Variants in SLC32A1 observed in about 807,000 individuals in gnomAD.
The protein encoded by SLC32A1 is solute carrier family 32 member 1.
A neutral mutation model predicts 35.5 loss-of-function variants in SLC32A1; 8 were observed. The observed-to-expected ratio is 0.23, with a 90% CI of 0.13 to 0.41. The LOEUF (loss-of-function observed/expected upper bound fraction) is 0.41, where lower values mean the gene tolerates loss of function less well. SLC32A1 is among the 10% of genes least tolerant of loss of function. The pLI is 1.00. For missense variants in SLC32A1, 493 were observed against 722.3 expected, an observed-to-expected ratio of 0.68 and a Z score of 3.64; for synonymous variants, 317 against 326.3, an observed-to-expected ratio of 0.97 and a Z score of 0.31.
rs2084278243 is a variant in SLC32A1, at chr20:38,726,913, T to C, written c.391-539T>C. On this transcript the variant is annotated intron_variant, in intron 1 of 1. Coordinates refer to ENST00000217420, the MANE Select transcript of SLC32A1 (RefSeq NM_080552.3). This position sits in a 1 kb window ranked among gnomAD's most constrained non-coding sequence, Gnocchi z 4.7. Reference sequence around the variant, plus strand: ...CAGCCTTTAACGTTTCCTCCTCTGGTCTGAGCCTGAGACGCCCGAGTTTTC... The same window carrying C: ...CAGCCTTTAACGTTTCCTCCTCTGGCCTGAGCCTGAGACGCCCGAGTTTTC... 6.6e-6 allele frequency among the ~76,000 whole-genome samples: 1 copy of C among 152,138 alleles called. No homozygotes were observed. The highest frequency in any genetic ancestry group is 1.5e-5 in the Non-Finnish European group (1 of 68,024).
chr20:38,725,539 C>T (rs544763589), intron 1 of SLC32A1, among the ~76,000 whole-genome samples: 1 of 152,174 alleles, frequency 6.6e-6, no homozygotes, highest in South Asian at 2.1e-4. Flanking sequence ...GAGTCTCCTC[C>T]CCCCGCACAC....
chr20:38,725,639 C>T (rs566182696), intron 1 of SLC32A1, among the ~76,000 whole-genome samples: 1 of 152,102 alleles, frequency 6.6e-6, no homozygotes, highest in African/African-American at 2.4e-5. Context: ...CAGGCGCACA[C>T]GACATGTATC....
At position 38,727,773 on chromosome 20, in the gene SLC32A1, G is replaced by T. The variant is rs1203140609; in HGVS notation, c.712G>T (p.Val238Leu). The T allele has an allele frequency of 2.5e-6, 4 of 1,614,218 alleles. No individual in the cohort carries two copies. In the Admixed American group the frequency reaches 6.7e-5, roughly 27 times the overall value. Reference sequence around the variant, plus strand: ...GTACAACAGCTTCCCGGGGCTGCCCGTGTCGCAGAAGTCCTGGTCCATTAT... The same window carrying T: ...GTACAACAGCTTCCCGGGGCTGCCCTTGTCGCAGAAGTCCTGGTCCATTAT... ...LMYNSFPGLP[V>L]SQKSWSIIAT... Residue 238 changes from valine (V) to leucine (L), a missense_variant, in exon 2 of 2, where the codon GTG becomes TTG. Val to Leu is a conservative substitution (Grantham distance 32). Transcript: ENST00000217420.
At chr20:38,725,275 G>T (rs1335490318) in intron 1 of SLC32A1, among the ~76,000 whole-genome samples, 161 bp downstream of exon 1, 1 of 152,118 alleles carries the variant, frequency 6.6e-6, no homozygotes, top group African/African-American at 2.4e-5. Flanking sequence ...GGGGACCTAC[G>T]CCCCCAGGCG....
Position 38,727,508 on chromosome 20 carries a change from G to A in SLC32A1, c.447G>A (p.Leu149=). ...YAILHGGYLG[L]FLIIFAAVVC... The stretch of plus-strand genomic sequence containing the variant: ...TCCTGCACGGCGGCTACCTGGGGTT[G>A]TTTCTCATCATCTTCGCCGCCGTTG... Residue 149 remains leucine, a synonymous_variant, in exon 2 of 2, where the codon TTG becomes TTA. Coordinates refer to ENST00000217420, the MANE Select transcript of SLC32A1 (RefSeq NM_080552.3). The A allele has an allele frequency of 6.2e-7, 1 of 1,609,202 alleles. No homozygotes were observed. The highest frequency in any genetic ancestry group is 8.5e-7 in the Non-Finnish European group (1 of 1,180,030).
chr20:38,728,477 G>A lies in SLC32A1; in HGVS notation c.1416G>A (p.Leu472=), dbSNP rs1421240924. The change falls in exon 2 of 2, where the codon CTG becomes CTA. Residue 472 remains leucine (L), a synonymous_variant. Transcript: ENST00000217420. The part of the protein sequence containing the change: ...SLTGAGLCFL[L]PSLFHLRLLW... ...CGGGCGCCGGCCTCTGTTTCTTGCT[G>A]CCCAGCCTCTTTCACCTGCGCCTGC... 6.2e-7 allele frequency: 1 copy of A among 1,613,076 alleles called. No homozygotes were observed. Among genetic ancestry groups the A allele is most frequent in the Non-Finnish European group, 8.5e-7 (1 of 1,179,958 alleles).
chr20:38,725,397 G>C (rs1479243250), intron 1 of SLC32A1, among the ~76,000 whole-genome samples: 1 of 152,214 alleles, frequency 6.6e-6, no homozygotes, highest in Admixed American at 6.5e-5. Context: ...TGAAGGAAAT[G>C]GGGGGAGGGA....
In SLC32A1 at chr20:38,728,853, CA is replaced by C. The variant is rs1415300400; in HGVS notation, c.*215del. 1.1e-5 allele frequency: 6 copies of C among 558,164 alleles called. No individual in the cohort carries two copies. Among genetic ancestry groups the C allele is most frequent in the Non-Finnish European group, 1.9e-5 (6 of 323,144 alleles). 34.6% of individuals were successfully genotyped at this position (558,164 alleles called of 1,614,324 possible). A position where few individuals can be genotyped will look rare whatever the true frequency, so the allele number is the denominator to read the frequency against. On this transcript the variant is annotated 3_prime_UTR_variant, in exon 2 of 2. Coordinates refer to ENST00000217420, the MANE Select transcript of SLC32A1 (RefSeq NM_080552.3). ...TGCGTTTCTGTTGTCCTTTCTTTTC[CA>C]CAACACCCTGGTTTTGGGGGGAGGC...
In SLC32A1 at chr20:38,724,719, G is replaced by C. The variant is rs767654520; in HGVS notation, c.-6G>C. 2.1e-5 allele frequency: 34 copies of C among 1,594,982 alleles called. No individual in the cohort carries two copies. Among genetic ancestry groups the C allele is most frequent in the Admixed American group, 5.1e-5 (3 of 58,660 alleles). ...TTCTGTCCTTTCCGCTGTCCCCACC[G>C]CCGCCATGGCCACCTTGCTCCGCAG... On this transcript the variant is annotated 5_prime_UTR_variant, in exon 1 of 2. Transcript: ENST00000217420.
At chr20:38,725,193 C>A in intron 1 of SLC32A1, 79 bp downstream of exon 1, 1 of 1,467,964 alleles carries the variant, frequency 6.8e-7, no homozygotes, top group Non-Finnish European at 9.0e-7. Context: ...GACAGTCGCC[C>A]GGTGATCTCG....
At position 38,724,695 on chromosome 20, in the gene SLC32A1, T is replaced by A. The variant is rs561655627; in HGVS notation, c.-30T>A. 6.4e-7 allele frequency: 1 copy of A among 1,571,122 alleles called. No homozygotes were observed. The highest frequency in any genetic ancestry group is 2.3e-5 in the East Asian group (1 of 44,238). ...CGCGTTCCCCGCATCCTCGGGTCCTTCTGTCCTTTCCGCTGTCCCCACCGC... is the reference window on the plus strand; with the variant it reads ...CGCGTTCCCCGCATCCTCGGGTCCTACTGTCCTTTCCGCTGTCCCCACCGC... On this transcript the variant is annotated 5_prime_UTR_variant, in exon 1 of 2. Coordinates refer to ENST00000217420, the MANE Select transcript of SLC32A1 (RefSeq NM_080552.3).
Position 38,726,771 on chromosome 20 carries a change from C to G in SLC32A1, c.391-681C>G, listed in dbSNP as rs2084277662. Among the ~76,000 whole-genome samples the G allele has an allele frequency of 6.6e-6, 1 of 152,152 alleles. No individual in the cohort carries two copies. The highest frequency in any genetic ancestry group is 6.5e-5 in the Admixed American group (1 of 15,284). On this transcript the variant is annotated intron_variant, in intron 1 of 1. Coordinates refer to ENST00000217420, the MANE Select transcript of SLC32A1 (RefSeq NM_080552.3). This position sits in a 1 kb window ranked among gnomAD's most constrained non-coding sequence, Gnocchi z 4.7. ...TCAATTTCCAGCCCTGCTTCCTCCTCCCCGCGCGCTGCTCCCCAAGCGTCT... is the reference window on the plus strand; with the variant it reads ...TCAATTTCCAGCCCTGCTTCCTCCTGCCCGCGCGCTGCTCCCCAAGCGTCT...
At chr20:38,725,831 G>A (rs1194580327) in intron 1 of SLC32A1, among the ~76,000 whole-genome samples, 1 of 152,150 alleles carries the variant, frequency 6.6e-6, no homozygotes, top group South Asian at 2.1e-4. Context: ...CCCTGTTGGA[G>A]ACATACAGGT....
chr20:38,724,571 G>T lies in SLC32A1; in HGVS notation c.-154G>T, dbSNP rs2084266805. 5.3e-6 allele frequency: 5 copies of T among 948,618 alleles called. No homozygotes were observed. Among genetic ancestry groups the T allele is most frequent in the Non-Finnish European group, 7.6e-6 (5 of 657,158 alleles). The allele number at this position is 948,618 out of a possible 1,614,324, so 58.8% of individuals were successfully genotyped here. A position where few individuals can be genotyped will look rare whatever the true frequency, so the allele number is the denominator to read the frequency against. On this transcript the variant is annotated 5_prime_UTR_variant, in exon 1 of 2. Transcript: ENST00000217420. ...GTCCAGCCCTGAGAGAGCCTCGAAC[G>T]CCAGCTGCGAGGGTCATGAGCCAGA...
At position 38,724,668 on chromosome 20, in the gene SLC32A1, A is replaced by G; in HGVS notation, c.-57A>G. 1.3e-6 allele frequency: 2 copies of G among 1,532,016 alleles called. No individual in the cohort carries two copies. Among genetic ancestry groups the G allele is most frequent in the Non-Finnish European group, 1.7e-6 (2 of 1,144,394 alleles). The allele number at this position is 1,532,016 out of a possible 1,614,324, so 94.9% of individuals were successfully genotyped here. On this transcript the variant is annotated 5_prime_UTR_variant, in exon 1 of 2. Coordinates refer to ENST00000217420, the MANE Select transcript of SLC32A1 (RefSeq NM_080552.3). ...CGCCCCCCAGCCCTCGCCTTCTTGCATCGCGTTCCCCGCATCCTCGGGTCC... is the reference window on the plus strand; with the variant it reads ...CGCCCCCCAGCCCTCGCCTTCTTGCGTCGCGTTCCCCGCATCCTCGGGTCC...
rs367818897 is a variant in SLC32A1 at position 38,728,187 on chromosome 20, G to C, written c.1126G>C (p.Gly376Arg). Residue 376 changes from glycine (G) to arginine (R), a missense_variant, in exon 2 of 2, where the codon GGC (glycine) becomes CGC (arginine). This residue lies in a region of SLC32A1 where 269 missense variants were observed against 445.6 expected (regional missense o/e 0.60). Transcript: ENST00000217420. ...GGAGGTCATCACGGATAACCTGCCC[G>C]GCTCCATCCGCGCCGTGGTCAACAT... ...TKEVITDNLP[G>R]SIRAVVNIFL... 1 of 1,614,132 alleles carries C rather than the reference G, an allele frequency of 6.2e-7. No homozygotes were observed. The highest frequency in any genetic ancestry group is 8.5e-7 in the Non-Finnish European group (1 of 1,180,032).
At position 38,724,789 on chromosome 20, in the gene SLC32A1, C is replaced by T. The variant is rs977047799; in HGVS notation, c.65C>T (p.Ala22Val). ...VATSVSNKSQ[A>V]KMSGMFARMG... ...ACGTCCGTGTCCAACAAGTCCCAGG[C>T]CAAGATGAGCGGCATGTTCGCCAGG... The change falls in exon 1 of 2, where the codon GCC (alanine) becomes GTC (valine). Residue 22 changes from alanine to valine, a missense_variant. Physicochemically the swap from Ala to Val is moderately conservative, Grantham distance 64. Transcript: ENST00000217420. 1 of 1,613,808 alleles carries T rather than the reference C, an allele frequency of 6.2e-7. No individual in the cohort carries two copies. Among genetic ancestry groups the T allele is most frequent in the African/African-American group, 1.3e-5 (1 of 74,946 alleles).
chr20:38,727,817 G>A lies in SLC32A1; in HGVS notation c.756G>A (p.Leu252=). ...CCATTATCGCCACGGCCGTGCTGCT[G>A]CCTTGCGCCTTCCTTAAGAACCTCA... ...SWSIIATAVL[L]PCAFLKNLKA... The change falls in exon 2 of 2, where the codon CTG becomes CTA. Residue 252 remains leucine, a synonymous_variant. Coordinates refer to ENST00000217420, the MANE Select transcript of SLC32A1 (RefSeq NM_080552.3). 6.2e-7 allele frequency: 1 copy of A among 1,614,218 alleles called. No homozygotes were observed. The highest frequency in any genetic ancestry group is 8.5e-7 in the Non-Finnish European group (1 of 1,180,048).
In SLC32A1 at chr20:38,728,267, C is replaced by G. The variant is rs573063246; in HGVS notation, c.1206C>G (p.Val402=). The G allele has an allele frequency of 4.3e-6, 7 of 1,613,926 alleles. No individual in the cohort carries two copies. The highest frequency in any genetic ancestry group is 2.7e-5 in the African/African-American group (2 of 75,072). ...ATCCTCTGCCATTCTTTGCCGCTGT[C>G]GAGGTGCTGGAGAAGTCGCTCTTCC... The part of the protein sequence containing the change: ...LSYPLPFFAA[V]EVLEKSLFQE... The change falls in exon 2 of 2, where the codon GTC becomes GTG. Residue 402 remains valine, a synonymous_variant. Coordinates refer to ENST00000217420, the MANE Select transcript of SLC32A1 (RefSeq NM_080552.3).
Sources: gnomAD v4.1 joint callset for allele counts (sites outside exome capture counted in the v4.1 genomes callset) on GRCh38, gnomAD v4.1.1 for gene constraint, gnomAD v4.1.1 regional missense constraint, Gnocchi (gnomAD v3.1) non-coding constraint, MANE v1.5 for transcripts, NCBI Gene and HGNC (gene_info 2026-07-23, HGNC 2026-07-21) for gene names.